ERMP1: variants seen among roughly 807,000 people sequenced by gnomAD.
ERMP1 encodes the protein endoplasmic reticulum metallopeptidase 1.
A neutral mutation model predicts 92.0 loss-of-function variants in ERMP1; 86 were observed. The ratio of observed to expected loss-of-function variants is 0.93; its 90% CI spans 0.79 to 1.12. The LOEUF (loss-of-function observed/expected upper bound fraction) is 1.12. ERMP1 is among the 50% of genes most tolerant of loss of function. ERMP1 has a pLI of 0.00. For missense variants in ERMP1, 1,342 were observed against 1,116.3 expected, an observed-to-expected ratio of 1.20 and a Z score of -2.88; for synonymous variants, 530 against 412.8, an observed-to-expected ratio of 1.28 and a Z score of -3.44.
chr9:5,811,073 C>T, intron 7 of ERMP1, 38 bp downstream of exon 7: 1 of 1,392,030 alleles, frequency 7.2e-7, no homozygotes, highest in South Asian at 1.2e-5. Flanking sequence ...CATTCTACAG[C>T]AATGCCAGTA....
chr9:5,796,358 T>C (rs1011937041), intron 13 of ERMP1, among the ~76,000 whole-genome samples: 5 of 152,168 alleles, frequency 3.3e-5, no homozygotes, highest in Admixed American at 6.5e-5. Context: ...GAGAAATCAG[T>C]CAATGGAAAG....
intron 2 of ERMP1, among the ~76,000 whole-genome samples, chr9:5,827,198 G>GA (rs1418787511): frequency 6.6e-6 from 1 of 152,108 alleles, no homozygotes; most frequent in Non-Finnish European, 1.5e-5. Flanking sequence ...AAGAAAAAAA[G>GA]AAAAAAGAAG....
intron 6 of ERMP1, among the ~76,000 whole-genome samples, chr9:5,851,193 C>A (rs548215575): frequency 1.2e-4 from 19 of 152,326 alleles, no homozygotes; most frequent in African/African-American, 4.6e-4. Flanking sequence ...TTGTTCTTCT[C>A]TTTTCTCTAT....
At chr9:5,792,016 T>C (rs1828217972) in intron 13 of ERMP1, among the ~76,000 whole-genome samples, 1 of 152,176 alleles carries the variant, frequency 6.6e-6, no homozygotes, top group African/African-American at 2.4e-5. Context: ...GAAATCTTCA[T>C]ATTTTGCCAA....
intron 4 of ERMP1, among the ~76,000 whole-genome samples, chr9:5,819,677 C>T (rs183421315): frequency 6.6e-6 from 1 of 152,332 alleles, no homozygotes; most frequent in African/African-American, 2.4e-5. Context: ...TACTGCAACA[C>T]CCATTACTAA....
At chr9:5,791,419 A>G (rs1260135) in intron 13 of ERMP1, 5,740 of 419,354 alleles carry the variant, frequency 0.014, 258 homozygotes, top group African/African-American at 0.097. Context: ...ATGGAGGGCA[A>G]TCTGCTTTAC....
chr9:5,850,485 G>C (rs146094793), intron 6 of ERMP1, among the ~76,000 whole-genome samples: 1 of 151,736 alleles, frequency 6.6e-6, no homozygotes, highest in African/African-American at 2.4e-5. Context: ...GTGGTTGGGG[G>C]AATTGGGAGG....
intron 8 of ERMP1, among the ~76,000 whole-genome samples, chr9:5,806,463 T>G (rs1296557133): frequency 6.6e-6 from 1 of 151,656 alleles, no homozygotes; most frequent in Non-Finnish European, 1.5e-5. Flanking sequence ...GTTCTCGCTC[T>G]GTCGCCTAGG....
rs1252549250 is a variant in ERMP1 at position 5,805,685 on chromosome 9, G to A, written c.1649C>T (p.Ala550Val). The A allele has an allele frequency of 6.2e-6, 10 of 1,613,298 alleles. No individual in the cohort carries two copies. Among genetic ancestry groups the A allele is most frequent in the Non-Finnish European group, 8.5e-6 (10 of 1,179,756 alleles). ...VTLTYQGLCS[A>V]FISAVWVAFP... ...TGCTACCCAGACAGCACTAATAAACGCCGAGCAAAGTCCTTGGTAAGTGAG... is the reference window on the plus strand; with the variant it reads ...TGCTACCCAGACAGCACTAATAAACACCGAGCAAAGTCCTTGGTAAGTGAG... The change falls in exon 9 of 15, where the codon GCG becomes GTG. Residue 550 changes from alanine (A) to valine (V), a missense_variant. By Grantham distance (64) the Ala-to-Val change is moderately conservative. Coordinates refer to ENST00000339450, the MANE Select transcript of ERMP1 (RefSeq NM_024896.3).
intron 7 of ERMP1, 45 bp from the exon 8 acceptor site, chr9:5,810,276 A>G (rs1241776206): frequency 1.4e-6 from 2 of 1,416,902 alleles, no homozygotes; most frequent in East Asian, 2.3e-5. Context: ...TCTTCATCAA[A>G]TCAGTTATAT....
chr9:5,803,839 A>C (rs1828766923), intron 10 of ERMP1, among the ~76,000 whole-genome samples: 1 of 152,182 alleles, frequency 6.6e-6, no homozygotes, highest in Non-Finnish European at 1.5e-5. Flanking sequence ...TATTATCCTT[A>C]ATAATTATCC....
At position 5,803,861 on chromosome 9, in the gene ERMP1, T is replaced by C. The variant is rs903811432; in HGVS notation, c.1914+1166A>G. On this transcript the variant is annotated intron_variant, in intron 10 of 14. Coordinates refer to ENST00000339450, the MANE Select transcript of ERMP1 (RefSeq NM_024896.3). Reference sequence around the variant, plus strand: ...CTTAATAATTATCCTATAAGTAAAATGGTTGGAAGGCTCAGATCTCTTTTA... The same window carrying C: ...CTTAATAATTATCCTATAAGTAAAACGGTTGGAAGGCTCAGATCTCTTTTA... Among the ~76,000 whole-genome samples the C allele has an allele frequency of 3.3e-5, 5 of 152,148 alleles. No homozygotes were observed. In the South Asian group the frequency reaches 1.0e-3, roughly 32 times the overall value.
chr9:5,804,517 T>A (rs1439806169), intron 10 of ERMP1, among the ~76,000 whole-genome samples: 3 of 152,148 alleles, frequency 2.0e-5, no homozygotes, highest in African/African-American at 7.2e-5. Context: ...CACGTTTGGG[T>A]GTCATAACAG....
intron 2 of ERMP1, 119 bp downstream of exon 2, chr9:5,830,608 C>A (rs910353136): frequency 1.0e-5 from 7 of 688,330 alleles, no homozygotes; most frequent in Admixed American, 8.7e-5. Flanking sequence ...CTTTCCATCA[C>A]AAAGAAAAAA....
intron 4 of ERMP1, among the ~76,000 whole-genome samples, chr9:5,817,380 G>A (rs994319559): frequency 2.0e-5 from 3 of 151,870 alleles, no homozygotes; most frequent in Admixed American, 2.0e-4. Flanking sequence ...AGTAGAGACA[G>A]GGTTTCACAA....
At chr9:5,860,302 A>G (rs76246763) in intron 5 of ERMP1, among the ~76,000 whole-genome samples, 1 of 152,018 alleles carries the variant, frequency 6.6e-6, no homozygotes, top group African/African-American at 2.4e-5. Flanking sequence ...AAAAAAAAAA[A>G]AAGAAGGAAG....
chr9:5,819,421 A>C (rs527316510), intron 4 of ERMP1, among the ~76,000 whole-genome samples: 2 of 152,248 alleles, frequency 1.3e-5, no homozygotes, highest in African/African-American at 4.8e-5. Flanking sequence ...AAAAACCACA[A>C]CCTTGCATAA....
At chr9:5,809,302 G>T (rs1406659912) in intron 8 of ERMP1, among the ~76,000 whole-genome samples, 1 of 152,152 alleles carries the variant, frequency 6.6e-6, no homozygotes. Flanking sequence ...TTACAGGCGT[G>T]AGCCACCGCG....
intron 5 of ERMP1, 96 bp downstream of exon 5, chr9:5,812,793 C>T (rs746284292): frequency 7.4e-7 from 1 of 1,349,630 alleles, no homozygotes; most frequent in African/African-American, 1.4e-5. Flanking sequence ...AGAATTTGAT[C>T]TCAGAAAATG....
Sources: allele counts gnomAD v4.1 joint callset (sites outside exome capture counted in the v4.1 genomes callset), GRCh38; gene constraint gnomAD v4.1.1; transcripts MANE v1.5; gene names NCBI Gene and HGNC (gene_info 2026-07-23, HGNC 2026-07-21).